Variants in TEX9 observed in about 807,000 individuals in gnomAD.
TEX9 encodes the protein testis-expressed protein 9.
A neutral mutation model predicts 59.6 loss-of-function variants in TEX9; 74 were observed. The observed-to-expected ratio is 1.24, with a 90% CI of 1.03 to 1.51. The LOEUF (loss-of-function observed/expected upper bound fraction) is 1.51, where lower values mean the gene tolerates loss of function less well. Ranked by LOEUF, TEX9 falls within the 40% of genes most tolerant of loss-of-function variation. The pLI, the probability that TEX9 is intolerant of heterozygous loss-of-function variation, is 0.00. For missense variants in TEX9, 522 were observed against 447.8 expected (o/e 1.17, Z -1.49); for synonymous variants, 186 against 152.2 (o/e 1.22, Z -1.64).
At chr15:56,256,662 G>C (rs2044152006) in intron 1 of TEX9, among the ~76,000 whole-genome samples, 1 of 150,840 alleles carries the variant, frequency 6.6e-6, no homozygotes, top group Non-Finnish European at 1.5e-5. Flanking sequence ...TAAAAAAAGA[G>C]AGAGTTATCA....
chr15:56,406,013 A>G (rs2049058771), intron 9 of TEX9, among the ~76,000 whole-genome samples: 1 of 151,440 alleles, frequency 6.6e-6, no homozygotes, highest in South Asian at 2.1e-4. Context: ...ATAAGTTTTC[A>G]CAAATTAATA....
chr15:56,303,945 A>G (rs1377458465), intron 1 of TEX9, among the ~76,000 whole-genome samples: 1 of 152,218 alleles, frequency 6.6e-6, no homozygotes, highest in East Asian at 1.9e-4. Flanking sequence ...AGATTGAACC[A>G]TGAAGAAATC....
chr15:56,248,714 C>G (rs968271528), intron 1 of TEX9: 9 of 152,094 alleles, frequency 5.9e-5, no homozygotes, highest in Admixed American at 4.6e-4. Context: ...GCCAAAAAGT[C>G]CCAAGTAGAA....
chr15:56,385,092 A>G (rs1448662621), intron 4 of TEX9, among the ~76,000 whole-genome samples: 2 of 152,156 alleles, frequency 1.3e-5, no homozygotes, highest in African/African-American at 4.8e-5. Flanking sequence ...TCTCAGCATT[A>G]TTTGTTGAGA....
In TEX9 at chr15:56,315,462, A is replaced by G. The variant is rs532582618; in HGVS notation, c.-106-57979A>G. ...TGGGTTGAAAATTCTTGTCTTTAAG[A>G]ATGTTGAATATTGGCCCCCACTCTC... On this transcript the variant is annotated intron_variant, in intron 1 of 5. Coordinates refer to the TEX9 transcript ENST00000560827. 2.7e-5 allele frequency among the ~76,000 whole-genome samples: 4 copies of G among 149,874 alleles called. No individual in the cohort carries two copies. In the East Asian group the frequency reaches 7.7e-4, roughly 29 times the overall value.
chr15:56,272,803 T>C (rs1248607200), intron 1 of TEX9, among the ~76,000 whole-genome samples: 1 of 152,240 alleles, frequency 6.6e-6, no homozygotes, highest in Non-Finnish European at 1.5e-5. Flanking sequence ...AATGAAATTA[T>C]TGATATTGTC....
At chr15:56,301,960 C>A (rs1210557068) in intron 1 of TEX9, among the ~76,000 whole-genome samples, 1 of 152,004 alleles carries the variant, frequency 6.6e-6, no homozygotes, top group Non-Finnish European at 1.5e-5. Flanking sequence ...AAAGAAGAAC[C>A]AATCAAAACG....
chr15:56,395,950 G>A (rs1315741691), intron 9 of TEX9: 1 of 152,034 alleles, frequency 6.6e-6, no homozygotes, highest in Non-Finnish European at 1.5e-5. Flanking sequence ...GTACTCTAAA[G>A]GCACAAAAGT....
At chr15:56,267,536 T>G (rs145251153) in intron 1 of TEX9, among the ~76,000 whole-genome samples, 4,493 of 152,280 alleles carry the variant, frequency 0.03, 213 homozygotes, top group African/African-American at 0.1. Context: ...AGTTTCAGCT[T>G]TCTGCATATG....
Position 56,394,624 on chromosome 15 carries a change from A to G in TEX9, c.655-37A>G, listed in dbSNP as rs751134923. 14 of 1,394,404 alleles carry G rather than the reference A, an allele frequency of 1.0e-5. No individual in the cohort carries two copies. The Admixed American group carries it at 1.4e-4, about 14-fold the overall frequency. The allele number at this position is 1,394,404 out of a possible 1,614,324, so 86.4% of individuals were successfully genotyped here. ...GCTTTGTTTTGATAACAAATCTTAC[A>G]TATTTTTTCACATAATCTATAACTT... On this transcript the variant is annotated intron_variant, in intron 8 of 12. Transcript: ENST00000352903.
intron 2 of TEX9, among the ~76,000 whole-genome samples, chr15:56,371,461 A>ATTT (rs11336443): frequency 1.3e-5 from 2 of 148,866 alleles, no homozygotes; most frequent in African/African-American, 4.9e-5. Context: ...TTCTAAGTGC[A>ATTT]TTTTTTTTTT....
intron 1 of TEX9, among the ~76,000 whole-genome samples, chr15:56,337,148 A>T (rs2046272441): frequency 6.6e-6 from 1 of 152,174 alleles, no homozygotes; most frequent in South Asian, 2.1e-4. Flanking sequence ...AAAAAATTCC[A>T]AATCCTGACA....
chr15:56,423,800 G>T (rs934554304), intron 10 of TEX9, among the ~76,000 whole-genome samples: 2 of 152,044 alleles, frequency 1.3e-5, no homozygotes, highest in African/African-American at 4.8e-5. Context: ...TCGTTTTGGG[G>T]GAACAGGTGG....
At chr15:56,310,385 T>C (rs1391394921) in intron 1 of TEX9, among the ~76,000 whole-genome samples, 1 of 152,162 alleles carries the variant, frequency 6.6e-6, no homozygotes, top group Non-Finnish European at 1.5e-5. Context: ...TGAGCCGAGA[T>C]TGGGCCATTG....
chr15:56,316,790 G>C (rs1255692135), intron 1 of TEX9, among the ~76,000 whole-genome samples: 3 of 152,236 alleles, frequency 2.0e-5, no homozygotes, highest in African/African-American at 7.2e-5. Context: ...TGCTGTGCTA[G>C]CAATCAGCGA....
At chr15:56,346,479 A>G (rs1407462085) in intron 1 of TEX9, among the ~76,000 whole-genome samples, 1 of 152,164 alleles carries the variant, frequency 6.6e-6, no homozygotes, top group Non-Finnish European at 1.5e-5. Context: ...GCACAAAAAG[A>G]AGCACTTAAA....
In TEX9 at chr15:56,266,641, A is replaced by G. The variant is rs111890609; in HGVS notation, c.-107+22363A>G. Among the ~76,000 whole-genome samples the G allele has an allele frequency of 4.5e-3, 685 of 152,268 alleles. 3 individuals are homozygous for G. Among genetic ancestry groups the G allele is most frequent in the Middle Eastern group, 0.01 (3 of 294 alleles). On this transcript the variant is annotated intron_variant, in intron 1 of 5. Transcript: ENST00000560827. ...GGTTTCCAGCTTCATCCATGTCGCT[A>G]CAAAGGACATGAAGTCATCCTTTTT... is the stretch of plus-strand genomic sequence containing the variant.
chr15:56,426,133 T>C (rs1373336190), intron 10 of TEX9, among the ~76,000 whole-genome samples: 2 of 152,158 alleles, frequency 1.3e-5, no homozygotes, highest in Admixed American at 1.3e-4. Context: ...ACCACCTGTT[T>C]CCGCAGCTTC....
intron 1 of TEX9, among the ~76,000 whole-genome samples, chr15:56,254,003 C>A (rs2044088500): frequency 6.6e-6 from 1 of 152,060 alleles, no homozygotes; most frequent in Non-Finnish European, 1.5e-5. Flanking sequence ...TAGGTTATCA[C>A]CCACAAATTA....
Sources: gnomAD v4.1 joint callset for allele counts (sites outside exome capture counted in the v4.1 genomes callset) on GRCh38, gnomAD v4.1.1 for gene constraint, MANE v1.5 for transcripts, NCBI Gene and HGNC (gene_info 2026-07-23, HGNC 2026-07-21) for gene names.